SETD7: variants seen among roughly 807,000 people sequenced by gnomAD.
The protein encoded by SETD7 is SET domain containing 7, histone lysine methyltransferase, also known as histone-lysine N-methyltransferase SETD7.
Under a neutral mutation model 41.8 loss-of-function variants are expected in SETD7, and 16 were observed. The ratio of observed to expected loss-of-function variants is 0.38; its 90% CI spans 0.26 to 0.58. The LOEUF is 0.58. Ranked by LOEUF, SETD7 falls within the 20% of genes least tolerant of loss-of-function variation. The pLI is 0.64. For missense variants in SETD7, 346 were observed against 459.7 expected, an observed-to-expected ratio of 0.75 and a Z score of 2.26; for synonymous variants, 163 against 169.7, an observed-to-expected ratio of 0.96 and a Z score of 0.31.
chr4:139,493,520 A>T (rs578114771), downstream of SETD7, among the ~76,000 whole-genome samples: 1 of 151,736 alleles, frequency 6.6e-6, no homozygotes, highest in East Asian at 1.9e-4. Flanking sequence ...CAGCAGGGTG[A>T]TGGCAAGATG....
chr4:139,531,669 T>A (rs78398965), intron 3 of SETD7, among the ~76,000 whole-genome samples: 1 of 152,222 alleles, frequency 6.6e-6, no homozygotes, highest in Admixed American at 6.5e-5. Context: ...GCCCTATTCC[T>A]AGATTATAAC....
At chr4:139,516,177 C>T (rs1448267540) in intron 7 of SETD7, among the ~76,000 whole-genome samples, 1 of 152,062 alleles carries the variant, frequency 6.6e-6, no homozygotes, top group Non-Finnish European at 1.5e-5. Context: ...TTATAAAGAA[C>T]TTTCTAGGCC....
At chr4:139,513,668 C>CA (rs1726944460) in intron 7 of SETD7, among the ~76,000 whole-genome samples, 1 of 152,312 alleles carries the variant, frequency 6.6e-6, no homozygotes, top group South Asian at 2.1e-4. Context: ...CCTGATTCAA[C>CA]ACATTTTTAC....
rs1726824155 is a variant in SETD7 at position 139,509,961 on chromosome 4, T to C, written c.*1702A>G. On this transcript the variant is annotated 3_prime_UTR_variant, in exon 8 of 8. Coordinates refer to ENST00000274031, the MANE Select transcript of SETD7 (RefSeq NM_030648.4). ...ATGCAACCGGGTGCTCTAGGAAGCC[T>C]GGTGTTGCAAAGAAGGGAAGGGCAA... is the stretch of plus-strand genomic sequence containing the variant. 4.5e-6 allele frequency: 4 copies of C among 897,604 alleles called. No homozygotes were observed. Among genetic ancestry groups the C allele is most frequent in the African/African-American group, 1.8e-5 (1 of 55,416 alleles). The allele number at this position is 897,604 out of a possible 1,614,324, so 55.6% of individuals were successfully genotyped here.
intron 7 of SETD7, among the ~76,000 whole-genome samples, chr4:139,498,802 C>T (rs556749293): frequency 3.6e-4 from 55 of 152,336 alleles, no homozygotes; most frequent in African/African-American, 9.4e-4. Context: ...CTCTAACTTT[C>T]CCTCTGCCTT....
At chr4:139,520,072 C>T (rs1462213410) in intron 6 of SETD7, among the ~76,000 whole-genome samples, 1 of 152,146 alleles carries the variant, frequency 6.6e-6, no homozygotes, top group East Asian at 1.9e-4. Flanking sequence ...GATGGCATTA[C>T]CCCACTCTCT....
chr4:139,493,256 G>A (rs1255835957), downstream of SETD7, among the ~76,000 whole-genome samples: 2 of 152,194 alleles, frequency 1.3e-5, no homozygotes, highest in Admixed American at 6.5e-5. Context: ...TGATGAGGGC[G>A]GTGTGAGTCA....
chr4:139,520,460 C>A, intron 5 of SETD7, 66 bp from the exon 6 acceptor site: 1 of 878,672 alleles, frequency 1.1e-6, no homozygotes, highest in Non-Finnish European at 1.8e-6. Context: ...ACATCAACTG[C>A]CAAAATATCA....
At chr4:139,517,400 G>A (rs947523959) in intron 7 of SETD7, among the ~76,000 whole-genome samples, 1 of 150,788 alleles carries the variant, frequency 6.6e-6, no homozygotes, top group Non-Finnish European at 1.5e-5. Flanking sequence ...GCTTGAACCT[G>A]GGAGGCAGAG....
intron 7 of SETD7, among the ~76,000 whole-genome samples, chr4:139,501,021 G>A (rs115023631): frequency 0.017 from 2,531 of 152,018 alleles, 76 homozygotes; most frequent in African/African-American, 0.055. Flanking sequence ...CTCTCTCTCA[G>A]GAAATGAGGT....
Position 139,511,247 on chromosome 4 carries a change from G to A in SETD7, c.*416C>T, listed in dbSNP as rs762111293. On this transcript the variant is annotated 3_prime_UTR_variant, in exon 8 of 8. Transcript: ENST00000274031. The stretch of plus-strand genomic sequence containing the variant: ...TGTAGTAATTGTCAACCCTTAATAC[G>A]GCACATATGCAAGTGTGCTAACACA... 9 of 204,680 alleles carry A rather than the reference G, an allele frequency of 4.4e-5. No homozygotes were observed. The Admixed American group carries it at 4.4e-4, about 10-fold the overall frequency. The allele number at this position is 204,680 out of a possible 1,614,324, so 12.7% of individuals were successfully genotyped here.
rs770383668 is a variant in SETD7, at chr4:139,511,821, G to A, written c.943C>T (p.Pro315Ser). 1.5e-5 allele frequency: 25 copies of A among 1,613,148 alleles called. No homozygotes were observed. The highest frequency in any genetic ancestry group is 2.1e-5 in the Non-Finnish European group (25 of 1,179,680). ...CTCAGGGTGCGGATGCATTTGATGGGCCCAAAACGGGGGTGGACAAACCTA... is the reference window on the plus strand; with the variant it reads ...CTCAGGGTGCGGATGCATTTGATGGACCCAAAACGGGGGTGGACAAACCTA... ...YDMFVHPRFGPIKCIRTLRAV... is the reference protein window; with the variant it reads ...YDMFVHPRFGSIKCIRTLRAV... Residue 315 changes from proline to serine, a missense_variant, in exon 8 of 8, where the codon CCC becomes TCC. Pro to Ser is a moderately conservative substitution (Grantham distance 74). Coordinates refer to ENST00000274031, the MANE Select transcript of SETD7 (RefSeq NM_030648.4).
Position 139,547,024 on chromosome 4 carries a change from C to T in SETD7, c.66G>A (p.Pro22=), listed in dbSNP as rs35955363. ...AGTAGGTGACTGTGCAGAACCCGTG[C>T]GGTAATCCGTCATCGTCCAGGTGCC... ...VEGHLDDDGL[P]HGFCTVTYSS... Residue 22 remains proline, a synonymous_variant, in exon 2 of 8, where the codon CCG becomes CCA. Coordinates refer to ENST00000274031, the MANE Select transcript of SETD7 (RefSeq NM_030648.4). The T allele has an allele frequency of 2.3e-3, 3,758 of 1,614,016 alleles. 87 individuals are homozygous for T. The African/African-American group carries it at 0.043, about 19-fold the overall frequency.
At chr4:139,550,867 A>C (rs527399100) in intron 1 of SETD7, among the ~76,000 whole-genome samples, 19 of 152,338 alleles carry the variant, frequency 1.2e-4, no homozygotes, top group African/African-American at 4.3e-4. Flanking sequence ...CTCATCTTAC[A>C]GATGAAGACA....
At chr4:139,549,972 G>A (rs138547358) in intron 1 of SETD7, among the ~76,000 whole-genome samples, 1,732 of 152,118 alleles carry the variant, frequency 0.011, 33 homozygotes, top group African/African-American at 0.037. Flanking sequence ...TAGAGATGAG[G>A]TTTCACTATA....
chr4:139,506,384 C>A lies in SETD7; in HGVS notation c.*5279G>T, dbSNP rs1033737066. The A allele has an allele frequency of 6.6e-6, 1 of 152,596 alleles. No homozygotes were observed. Among genetic ancestry groups the A allele is most frequent in the Non-Finnish European group, 1.5e-5 (1 of 68,042 alleles). 9.5% of individuals were successfully genotyped at this position (152,596 alleles called of 1,614,324 possible). A position where few individuals can be genotyped will look rare whatever the true frequency, so the allele number is the denominator to read the frequency against. ...GGTTGCAATAAATGCTGAAAGCATA[C>A]CCCTGGCTTCTACTTCTTCAACATA... On this transcript the variant is annotated 3_prime_UTR_variant, in exon 8 of 8. Coordinates refer to ENST00000274031, the MANE Select transcript of SETD7 (RefSeq NM_030648.4).
At chr4:139,501,046 C>T (rs1045701938), downstream of SETD7, among the ~76,000 whole-genome samples, 6 of 151,994 alleles carry the variant, frequency 3.9e-5, no homozygotes, top group Admixed American at 3.9e-4. Context: ...CCTGACTTTC[C>T]CCCACAAAAA....
downstream of SETD7, among the ~76,000 whole-genome samples, chr4:139,503,570 C>G (rs141356018): frequency 1.3e-5 from 2 of 152,110 alleles, no homozygotes; most frequent in Non-Finnish European, 2.9e-5. Context: ...CTTAAAACGG[C>G]CTGATAAAAC....
intron 1 of SETD7, among the ~76,000 whole-genome samples, chr4:139,551,656 T>C (rs566008268): frequency 1.1e-4 from 17 of 151,878 alleles, no homozygotes; most frequent in African/African-American, 3.4e-4. Flanking sequence ...GGCGTGTGAG[T>C]ATTTCCCTTA....
Sources: allele counts gnomAD v4.1 joint callset (sites outside exome capture counted in the v4.1 genomes callset), GRCh38; gene constraint gnomAD v4.1.1; transcripts MANE v1.5; gene names NCBI Gene and HGNC (gene_info 2026-07-23, HGNC 2026-07-21).